The following MYO9B variants were observed in gnomAD, a reference collection of about 807,000 sequenced individuals.
MYO9B encodes myosin IXB.
A neutral mutation model predicts 229.5 loss-of-function variants in MYO9B; 71 were observed. The observed-to-expected ratio is 0.31, with a 90% CI of 0.26 to 0.38. The LOEUF (loss-of-function observed/expected upper bound fraction) is 0.38. Among genes scored for constraint, MYO9B ranks in the 10% least tolerant of loss-of-function variants. MYO9B has a pLI of 1.00. For missense variants in MYO9B, 2,255 were observed against 2,920.5 expected (o/e 0.77, Z 5.25); for synonymous variants, 1,185 against 1,235.8 (o/e 0.96, Z 0.86).
chr19:17,153,695 C>T (rs953126636), intron 4 of MYO9B, among the ~76,000 whole-genome samples: 3 of 120,680 alleles, frequency 2.5e-5, no homozygotes, highest in African/African-American at 9.0e-5. Flanking sequence ...GACCGTATCT[C>T]AAAAAAAAAA....
intron 1 of MYO9B, among the ~76,000 whole-genome samples, chr19:17,088,241 G>A (rs548309487): frequency 1.3e-5 from 2 of 152,206 alleles, no homozygotes; most frequent in Non-Finnish European, 2.9e-5. Context: ...TTATTCACGT[G>A]CCGCCTTCTC....
chr19:17,190,275 C>T (rs892255533), intron 19 of MYO9B, among the ~76,000 whole-genome samples: 1 of 150,836 alleles, frequency 6.6e-6, no homozygotes. Flanking sequence ...CTCACTCCAA[C>T]CTCCATCTCC....
At position 17,101,891 on chromosome 19, in the gene MYO9B, C is replaced by G. The variant is rs374279682; in HGVS notation, c.174C>G (p.Asp58Glu). 6.2e-7 allele frequency: 1 copy of G among 1,613,360 alleles called. No individual in the cohort carries two copies. Among genetic ancestry groups the G allele is most frequent in the East Asian group, 2.2e-5 (1 of 44,860 alleles). Reference protein sequence around the residue: ...IKDAIASLRLDGTKCYVLVEV... With the variant: ...IKDAIASLRLEGTKCYVLVEV... The stretch of plus-strand genomic sequence containing the variant: ...ACGCCATTGCCAGCCTGCGGCTGGA[C>G]GGCACCAAATGTTATGTGCTGGTGG... The change falls in exon 2 of 40, where the codon GAC becomes GAG. Residue 58 changes from aspartate to glutamate, a missense_variant. By Grantham distance (45) the Asp-to-Glu change is conservative. This residue lies in a region of MYO9B where 386 missense variants were observed against 515.2 expected (regional missense o/e 0.75). Coordinates refer to ENST00000682292, the MANE Select transcript of MYO9B (RefSeq NM_004145.4). The surrounding 1 kb of genome is among the most constrained non-coding windows in gnomAD (Gnocchi z 4.7).
intron 14 of MYO9B, among the ~76,000 whole-genome samples, chr19:17,175,995 G>A (rs79321361): frequency 0.069 from 10,437 of 151,356 alleles, 395 homozygotes; most frequent in African/African-American, 0.09. Context: ...ACGATGCCCA[G>A]CTAATTTTGT....
At chr19:17,207,351 G>C (rs551010327) in intron 35 of MYO9B, 107 bp downstream of exon 35, 1 of 1,426,828 alleles carries the variant, frequency 7.0e-7, no homozygotes, top group Admixed American at 2.1e-5. Context: ...AAAGTCCAGA[G>C]CCGAGTGCAG....
At chr19:17,131,458 A>G (rs1253669143) in intron 2 of MYO9B, among the ~76,000 whole-genome samples, 3 of 152,164 alleles carry the variant, frequency 2.0e-5, no homozygotes, top group East Asian at 3.9e-4. Context: ...TCGTAGAGAC[A>G]GGGTTTCACC....
In MYO9B at chr19:17,210,315, T is replaced by C; in HGVS notation, c.5749-18T>C. The C allele has an allele frequency of 6.3e-7, 1 of 1,588,148 alleles. No homozygotes were observed. Among genetic ancestry groups the C allele is most frequent in the Non-Finnish European group, 8.6e-7 (1 of 1,166,734 alleles). On this transcript the variant is annotated intron_variant, in intron 36 of 39. Transcript: ENST00000682292. ...TGTCTTGGCCCGTGTGGTCACCCTG[T>C]GTTCATCTCTCTCCCAGCCATGGCC...
At position 17,190,931 on chromosome 19, in the gene MYO9B, C is replaced by A. The variant is rs954167506; in HGVS notation, c.2689-166C>A. Among the ~76,000 whole-genome samples, 8 of 152,288 alleles carry A rather than the reference C, an allele frequency of 5.3e-5. 1 individual carries two copies. Among genetic ancestry groups the A allele is most frequent in the African/African-American group, 1.9e-4 (8 of 41,570 alleles). The stretch of plus-strand genomic sequence containing the variant: ...AAGTGCTGGGAGTACAGGTGTGAGC[C>A]ACCACACCCGGCCCAGACTATTTCT... On this transcript the variant is annotated intron_variant, in intron 19 of 39. Coordinates refer to ENST00000682292, the MANE Select transcript of MYO9B (RefSeq NM_004145.4).
chr19:17,205,907 C>A, intron 31 of MYO9B, 53 bp from the exon 32 acceptor site: 2 of 1,497,788 alleles, frequency 1.3e-6, no homozygotes, highest in South Asian at 2.6e-5. Context: ...CCAGAGACAG[C>A]TGGAGAGGAA....
intron 2 of MYO9B, among the ~76,000 whole-genome samples, chr19:17,126,726 G>A (rs2072122632): frequency 6.9e-6 from 1 of 145,844 alleles, no homozygotes; most frequent in Non-Finnish European, 1.5e-5. Context: ...ATGCAGTGGT[G>A]CGATCTCAGC....
chr19:17,118,577 G>A (rs569290617), intron 2 of MYO9B, among the ~76,000 whole-genome samples: 1 of 152,106 alleles, frequency 6.6e-6, no homozygotes, highest in South Asian at 2.1e-4. Flanking sequence ...CGCCTCCCAG[G>A]TTCAAGTGAT....
intron 11 of MYO9B, among the ~76,000 whole-genome samples, chr19:17,169,308 G>C (rs2072694416): frequency 6.8e-6 from 1 of 146,492 alleles, no homozygotes; most frequent in South Asian, 2.2e-4. Flanking sequence ...GGAGGCGGAG[G>C]TTGCAGTGAG....
intron 2 of MYO9B, among the ~76,000 whole-genome samples, chr19:17,132,138 G>C (rs36103809): frequency 6.7e-6 from 1 of 149,050 alleles, no homozygotes; most frequent in South Asian, 2.1e-4. Flanking sequence ...AAATTGCTGG[G>C]ATTACAGTTG....
intron 2 of MYO9B, among the ~76,000 whole-genome samples, chr19:17,112,955 C>T (rs946263498): frequency 1.3e-5 from 2 of 152,248 alleles, no homozygotes; most frequent in Non-Finnish European, 2.9e-5. Flanking sequence ...AGATTCAGGG[C>T]ATAGGCCACA....
chr19:17,110,279 G>A (rs901797251), intron 2 of MYO9B, among the ~76,000 whole-genome samples: 6 of 152,184 alleles, frequency 3.9e-5, no homozygotes, highest in Non-Finnish European at 7.3e-5. Flanking sequence ...TGATCTGCCC[G>A]CCACTGCAGT....
chr19:17,088,877 T>C (rs527589009), intron 1 of MYO9B, among the ~76,000 whole-genome samples: 40 of 152,024 alleles, frequency 2.6e-4, no homozygotes, highest in African/African-American at 7.0e-4. Context: ...TTTTGTAGAA[T>C]TGGGGGGTCT....
At chr19:17,158,201 G>A (rs767227301) in intron 7 of MYO9B, among the ~76,000 whole-genome samples, 7 of 152,312 alleles carry the variant, frequency 4.6e-5, no homozygotes, top group Middle Eastern at 3.4e-3. Flanking sequence ...TATGCTTTGC[G>A]TTCCATTATT....
In MYO9B at chr19:17,137,782, C is replaced by T. The variant is rs534534851; in HGVS notation, c.841-7615C>T. Among the ~76,000 whole-genome samples, 3 of 152,006 alleles carry T rather than the reference C, an allele frequency of 2.0e-5. No individual in the cohort carries two copies. In the South Asian group the frequency reaches 6.2e-4, roughly 32 times the overall value. On this transcript the variant is annotated intron_variant, in intron 2 of 39. Coordinates refer to ENST00000682292, the MANE Select transcript of MYO9B (RefSeq NM_004145.4). ...TATTTGAAACAGAGTCTCGCTCTGT[C>T]GCCGAGGCTGGAGTGCAGGGGCGCA...
intron 9 of MYO9B, 106 bp downstream of exon 9, chr19:17,162,572 A>C: frequency 1.0e-6 from 1 of 952,932 alleles, no homozygotes; most frequent in East Asian, 2.6e-5. Context: ...AGGCATCTGC[A>C]ATCAAGAGGC....
Sources: allele counts gnomAD v4.1 joint callset (sites outside exome capture counted in the v4.1 genomes callset), GRCh38; gene constraint gnomAD v4.1.1; regional missense constraint gnomAD v4.1.1; non-coding constraint Gnocchi (gnomAD v3.1); transcripts MANE v1.5; gene names NCBI Gene and HGNC (gene_info 2026-07-23, HGNC 2026-07-21).